The following IARS2 variants were observed in gnomAD, a reference collection of about 807,000 sequenced individuals.
The protein encoded by IARS2 is isoleucyl-tRNA synthetase 2, mitochondrial, also known as isoleucine--tRNA ligase, mitochondrial.
Under a neutral mutation model 126.3 loss-of-function variants are expected in IARS2, and 56 were observed. The ratio of observed to expected loss-of-function variants is 0.44; its 90% confidence interval spans 0.36 to 0.55. The LOEUF (loss-of-function observed/expected upper bound fraction) is 0.55, where lower values mean the gene tolerates loss of function less well. Among genes scored for constraint, IARS2 ranks in the 20% least tolerant of loss-of-function variants. IARS2 has a pLI of 0.00. For synonymous variants in IARS2, 407 were observed against 441.1 expected (o/e 0.92, Z 0.97); for missense variants, 1,127 against 1,245.9 (o/e 0.90, Z 1.44).
chr1:220,147,496 GT>G lies in IARS2; in HGVS notation c.2901del (p.Asp968IlefsTer10). On this transcript the variant is annotated frameshift_variant, in exon 23 of 23. Transcript: ENST00000366922. LOFTEE classifies it low-confidence loss of function (END_TRUNC). ...CTCTTCATGTATTTTTTTATAGGTG[GT>G]GATATTCGTGAAGAGTCTTCCTATA... ...KGKFLINLEG[G>X]DIREESSYKV... 6.2e-7 allele frequency: 1 copy of G among 1,613,804 alleles called. No individual in the cohort carries two copies. The highest frequency in any genetic ancestry group is 8.5e-7 in the Non-Finnish European group (1 of 1,179,794).
rs57598038 is a variant in IARS2 at position 220,134,768 on chromosome 1, GT to G, written c.1946+275del. The G allele has an allele frequency of 0.15, 22,466 of 151,430 alleles. 1,193 individuals carry two copies. Among genetic ancestry groups the G allele is most frequent in the South Asian group, 0.2 (893 of 4,472 alleles). The allele number at this position is 151,430 out of a possible 1,614,324, so 9.4% of individuals were successfully genotyped here. A position where few individuals can be genotyped will look rare whatever the true frequency, so the allele number is the denominator to read the frequency against. On this transcript the variant is annotated intron_variant, in intron 15 of 22. Coordinates refer to ENST00000366922, the MANE Select transcript of IARS2 (RefSeq NM_018060.4). The stretch of plus-strand genomic sequence containing the variant: ...ACTTATGTAGTTCTTTGTTGTTGTT[GT>G]TTTTTTTTTTTTTTTTGAAAAAGGA...
rs1384425436 is a variant in IARS2, at chr1:220,108,386, T to C, written c.1327+1235T>C. On this transcript the variant is annotated intron_variant, in intron 10 of 22. Transcript: ENST00000366922. ...GGCCATAATTTTTTTATTTTTTATT[T>C]TATTTTTATTTTTTTTTTAAGACGG... Among the ~76,000 whole-genome samples the C allele has an allele frequency of 2.0e-5, 3 of 149,966 alleles. No homozygotes were observed. In the East Asian group the frequency reaches 6.0e-4, roughly 30 times the overall value.
chr1:220,130,788 T>G (rs551564574), intron 14 of IARS2, among the ~76,000 whole-genome samples: 1 of 152,112 alleles, frequency 6.6e-6, no homozygotes, highest in Non-Finnish European at 1.5e-5. Context: ...AGGGGTTTAT[T>G]TTCATTCTTC....
chr1:220,110,918 A>T lies in IARS2; in HGVS notation c.1460A>T (p.Asp487Val). 2 of 1,613,052 alleles carry T rather than the reference A, an allele frequency of 1.2e-6. No homozygotes were observed. Among genetic ancestry groups the T allele is most frequent in the Non-Finnish European group, 1.7e-6 (2 of 1,179,782 alleles). Residue 487 changes from aspartate (D) to valine (V), a missense_variant, in exon 11 of 23, where the codon GAT (aspartate) becomes GTT (valine). Coordinates refer to ENST00000366922, the MANE Select transcript of IARS2 (RefSeq NM_018060.4). Reference protein sequence around the residue: ...ASKQWFINITDIKTAAKELLK... With the variant: ...ASKQWFINITVIKTAAKELLK... ...AAGCAGTGGTTTATAAACATCACGG[A>T]TATTAAGACTGCAGCCAAGGTATAA...
At chr1:220,102,442 G>A (rs1656598001) in intron 5 of IARS2, 30 bp downstream of exon 5, 13 of 1,611,716 alleles carry the variant, frequency 8.1e-6, no homozygotes, top group South Asian at 1.1e-5. Context: ...TAATTAAAAG[G>A]GAGAAATTTG....
At chr1:220,110,196 T>TA (rs1170594911) in intron 10 of IARS2, among the ~76,000 whole-genome samples, 1 of 152,018 alleles carries the variant, frequency 6.6e-6, no homozygotes, top group East Asian at 1.9e-4. Flanking sequence ...TAGCTGGGAT[T>TA]ACAGGCTCAC....
chr1:220,094,559 A>C (rs1178238919), intron 1 of IARS2, 76 bp downstream of exon 1: 22 of 1,274,184 alleles, frequency 1.7e-5, no homozygotes, highest in Middle Eastern at 2.8e-4. Flanking sequence ...CGCAGGCGCC[A>C]CACCTCTAGG....
intron 9 of IARS2, among the ~76,000 whole-genome samples, chr1:220,106,475 T>A (rs1018160726): frequency 6.6e-6 from 1 of 152,172 alleles, no homozygotes; most frequent in Non-Finnish European, 1.5e-5. Flanking sequence ...TATATAGGCA[T>A]AGATTTGGAA....
At chr1:220,127,652 CCT>C (rs2102833219) in intron 14 of IARS2, among the ~76,000 whole-genome samples, 1 of 152,180 alleles carries the variant, frequency 6.6e-6, no homozygotes, top group Admixed American at 6.5e-5. Context: ...CCTGAGAGAC[CCT>C]GTTTGCTTTC....
At chr1:220,113,400 C>T (rs1375563855) in intron 11 of IARS2, among the ~76,000 whole-genome samples, 2 of 152,102 alleles carry the variant, frequency 1.3e-5, no homozygotes, top group Non-Finnish European at 2.9e-5. Context: ...ACCATTTAAA[C>T]CTTCTTTGAA....
intron 2 of IARS2, among the ~76,000 whole-genome samples, chr1:220,097,004 CCACTG>C (rs1467998432): frequency 2.0e-5 from 3 of 151,708 alleles, no homozygotes; most frequent in African/African-American, 7.3e-5. Flanking sequence ...CGAGATCGCG[CCACTG>C]CACTCCAGCC....
chr1:220,101,211 T>C (rs912937075), intron 3 of IARS2, among the ~76,000 whole-genome samples: 2 of 152,182 alleles, frequency 1.3e-5, no homozygotes, highest in African/African-American at 4.8e-5. Flanking sequence ...TTATCTGACC[T>C]TTTCTTAAAT....
At chr1:220,129,505 C>T (rs1558128450) in intron 14 of IARS2, among the ~76,000 whole-genome samples, 1 of 152,146 alleles carries the variant, frequency 6.6e-6, no homozygotes, top group Non-Finnish European at 1.5e-5. Flanking sequence ...TCTCTTCATC[C>T]CTCCCTCTCA....
rs544003070 is a variant in IARS2, at chr1:220,119,242, G to A, written c.1640+4768G>A. ...ATTTTCACTGATTGAAACCTAAGAA[G>A]GGACACGTAATGCATGTGTTGAGAT... On this transcript the variant is annotated intron_variant, in intron 12 of 22. Transcript: ENST00000366922. Among the ~76,000 whole-genome samples, 221 of 152,172 alleles carry A rather than the reference G, an allele frequency of 1.5e-3. 3 individuals carry two copies. Among genetic ancestry groups the A allele is most frequent in the Middle Eastern group, 6.8e-3 (2 of 294 alleles).
chr1:220,129,093 G>A (rs1006679886), intron 14 of IARS2, among the ~76,000 whole-genome samples: 18 of 152,102 alleles, frequency 1.2e-4, no homozygotes, highest in African/African-American at 4.1e-4. Flanking sequence ...GTGTTGGCCA[G>A]GCTGGTCTCA....
In IARS2 at chr1:220,094,188, A is replaced by T. The variant is rs372855672; in HGVS notation, c.-29A>T. 6.6e-7 allele frequency: 1 copy of T among 1,518,716 alleles called. No homozygotes were observed. Among genetic ancestry groups the T allele is most frequent in the East Asian group, 2.3e-5 (1 of 42,738 alleles). The allele number at this position is 1,518,716 out of a possible 1,614,324, so 94.1% of individuals were successfully genotyped here. A position where few individuals can be genotyped will look rare whatever the true frequency, so the allele number is the denominator to read the frequency against. ...CCCCTTCAAGCTGGGGCGGGAGCGGAGGACCCCGCTCTCAGGGGTTGCCGG... is the reference window on the plus strand; with the variant it reads ...CCCCTTCAAGCTGGGGCGGGAGCGGTGGACCCCGCTCTCAGGGGTTGCCGG... On this transcript the variant is annotated 5_prime_UTR_variant, in exon 1 of 23. Transcript: ENST00000366922.
intron 12 of IARS2, among the ~76,000 whole-genome samples, chr1:220,120,036 CTGTT>C (rs1308737659): frequency 1.4e-5 from 2 of 147,736 alleles, no homozygotes; most frequent in Non-Finnish European, 3.0e-5. Context: ...GGTTATATGT[CTGTT>C]TATTTTTATT....
intron 8 of IARS2, 117 bp downstream of exon 8, chr1:220,103,679 G>A: frequency 1.6e-6 from 1 of 614,564 alleles, no homozygotes; most frequent in South Asian, 2.0e-5. Context: ...TACCTTTCTA[G>A]AATACATTTT....
intron 16 of IARS2, 61 bp from the exon 17 acceptor site, chr1:220,137,856 AT>A (rs2102839274): frequency 6.3e-7 from 1 of 1,591,962 alleles, no homozygotes; most frequent in Non-Finnish European, 8.6e-7. Context: ...TACCTAAAAC[AT>A]TTGTTCGGCT....
Sources: allele counts gnomAD v4.1 joint callset (sites outside exome capture counted in the v4.1 genomes callset), GRCh38; gene constraint gnomAD v4.1.1; transcripts MANE v1.5; gene names NCBI Gene and HGNC (gene_info 2026-07-23, HGNC 2026-07-21).